The following AKAP13 variants were observed in gnomAD, a reference collection of about 807,000 sequenced individuals.
AKAP13 encodes the protein A-kinase anchor protein 13.
In AKAP13, 80 loss-of-function variants were observed where a neutral mutation model predicts 264.5. The ratio of observed to expected loss-of-function variants is 0.30; its 90% CI spans 0.25 to 0.36. The LOEUF (loss-of-function observed/expected upper bound fraction) is 0.36. AKAP13 is among the 10% of genes least tolerant of loss of function. The pLI, the probability that AKAP13 is intolerant of heterozygous loss-of-function variation, is 1.00. For missense variants in AKAP13, 3,712 were observed against 3,435.2 expected (o/e 1.08, Z -2.01); for synonymous variants, 1,380 against 1,250.2 (o/e 1.10, Z -2.19).
chr15:85,484,853 T>C (rs2075481445), intron 1 of AKAP13, among the ~76,000 whole-genome samples: 1 of 152,250 alleles, frequency 6.6e-6, no homozygotes, highest in African/African-American at 2.4e-5. Flanking sequence ...TGACACTTTA[T>C]ACTGTTATTT....
intron 17 of AKAP13, among the ~76,000 whole-genome samples, chr15:85,704,417 A>G (rs1567204673): frequency 6.6e-6 from 1 of 152,220 alleles, no homozygotes; most frequent in Non-Finnish European, 1.5e-5. Context: ...CACATAGTAT[A>G]TAACCATTCG....
Position 85,639,455 on chromosome 15 carries a change from C to G in AKAP13, c.4237+6C>G. 1 of 1,607,398 alleles carries G rather than the reference C, an allele frequency of 6.2e-7. No individual in the cohort carries two copies. The highest frequency in any genetic ancestry group is 1.3e-5 in the African/African-American group (1 of 74,888). ...GGCTTCCAAGCAGAGCCCAGGTAAG[C>G]TGAGATTATCCATTCATTTTCTGGA... On this transcript the variant is annotated splice_donor_region_variant and intron_variant, in intron 9 of 36. Coordinates refer to ENST00000394518, the MANE Select transcript of AKAP13 (RefSeq NM_007200.5).
At chr15:85,642,543 TC>T (rs2082356292) in intron 9 of AKAP13, among the ~76,000 whole-genome samples, 1 of 152,122 alleles carries the variant, frequency 6.6e-6, no homozygotes, top group South Asian at 2.1e-4. Flanking sequence ...TCCCCCCACC[TC>T]CCCCCGCCCC....
rs756176415 is a variant in AKAP13, at chr15:85,440,122, A to G, written c.-11-45588A>G. Among the ~76,000 whole-genome samples the G allele has an allele frequency of 8.5e-4, 129 of 152,126 alleles. 9 individuals are homozygous for G. Among genetic ancestry groups the G allele is most frequent in the Non-Finnish European group, 5.9e-5 (4 of 68,024 alleles). On this transcript the variant is annotated intron_variant, in intron 1 of 36. Transcript: ENST00000394518. ...GTGCCCACCCTTTATGTATTTAGCA[A>G]TTACTTTAGCTGAACCAGTTTGTTC...
intron 35 of AKAP13, 76 bp downstream of exon 35, chr15:85,741,571 AAGTG>A: frequency 2.0e-6 from 3 of 1,472,442 alleles, no homozygotes; most frequent in Non-Finnish European, 2.7e-6. Flanking sequence ...CAAGGTAAGA[AAGTG>A]AGCAGAAATA....
In AKAP13 at chr15:85,394,741, T is replaced by C. The variant is rs2071032687; in HGVS notation, c.-12+13943T>C. Among the ~76,000 whole-genome samples the C allele has an allele frequency of 2.0e-5, 3 of 152,202 alleles. No individual in the cohort carries two copies. In the South Asian group the frequency reaches 6.2e-4, roughly 31 times the overall value. ...AATTGACTGTGTGACCTTGAGCAGG[T>C]AGGTTACTGCTCTTTTGCCTTTGAG... On this transcript the variant is annotated intron_variant, in intron 1 of 36. Coordinates refer to ENST00000394518, the MANE Select transcript of AKAP13 (RefSeq NM_007200.5).
chr15:85,685,333 G>A (rs2084838786), intron 16 of AKAP13: 1 of 152,380 alleles, frequency 6.6e-6, no homozygotes, highest in South Asian at 2.1e-4. Flanking sequence ...TGGCTTTAGA[G>A]GGAAGGATTA....
chr15:85,560,529 A>G lies in AKAP13; in HGVS notation c.663-14602A>G, dbSNP rs568874676. ...TAAGACAGGTTTATTTTATTATCAG[A>G]TATTACCTCCCATATTGTATGGAAT... On this transcript the variant is annotated intron_variant, in intron 5 of 36. Transcript: ENST00000394518. 3.4e-3 allele frequency among the ~76,000 whole-genome samples: 519 copies of G among 152,266 alleles called. 1 individual carries two copies. The highest frequency in any genetic ancestry group is 0.01 in the Middle Eastern group (3 of 294).
chr15:85,410,026 C>T (rs1258346353), intron 1 of AKAP13, among the ~76,000 whole-genome samples: 2 of 151,590 alleles, frequency 1.3e-5, no homozygotes, highest in Non-Finnish European at 2.9e-5. Flanking sequence ...AAATTAGTTT[C>T]CTCCATTTTC....
intron 8 of AKAP13, among the ~76,000 whole-genome samples, chr15:85,586,180 CTTCTTT>C (rs1157505541): frequency 4.7e-4 from 71 of 151,558 alleles, no homozygotes; most frequent in African/African-American, 1.5e-3. Context: ...TTTTTCTTTC[CTTCTTT>C]TTCTTTTTCT....
chr15:85,438,284 A>T (rs1011135341), intron 1 of AKAP13, among the ~76,000 whole-genome samples: 1 of 138,448 alleles, frequency 7.2e-6, no homozygotes, highest in East Asian at 2.0e-4. Flanking sequence ...CTCTTCAAGG[A>T]GAACTACAAA....
chr15:85,734,142 CA>C (rs66493267), intron 30 of AKAP13, among the ~76,000 whole-genome samples: 29,392 of 152,028 alleles, frequency 0.19, 3,769 homozygotes, highest in Middle Eastern at 0.43. Context: ...TGTCTTTTGT[CA>C]TTTTCTTAAT....
chr15:85,647,197 G>A (rs1313444360), intron 10 of AKAP13, among the ~76,000 whole-genome samples: 3 of 152,032 alleles, frequency 2.0e-5, no homozygotes, highest in African/African-American at 4.8e-5. Flanking sequence ...TCAGGAGTTC[G>A]AGACCAGCCT....
intron 5 of AKAP13, among the ~76,000 whole-genome samples, chr15:85,558,085 C>A (rs368505063): frequency 6.6e-6 from 1 of 152,098 alleles, no homozygotes; most frequent in Non-Finnish European, 1.5e-5. Flanking sequence ...TCCAGTAGTT[C>A]ATTTTTAGAA....
chr15:85,386,104 C>T (rs950890951), intron 1 of AKAP13, among the ~76,000 whole-genome samples: 6 of 152,128 alleles, frequency 3.9e-5, no homozygotes, highest in Non-Finnish European at 8.8e-5. Flanking sequence ...GGATTACAGG[C>T]GCGAGCCACT....
intron 10 of AKAP13, among the ~76,000 whole-genome samples, chr15:85,652,923 A>T (rs1056487610): frequency 6.6e-6 from 1 of 152,168 alleles, no homozygotes; most frequent in African/African-American, 2.4e-5. Context: ...CTACTCCAGT[A>T]TAACCTCATC....
chr15:85,430,127 G>A (rs184628775), intron 1 of AKAP13, among the ~76,000 whole-genome samples: 95 of 152,230 alleles, frequency 6.2e-4, no homozygotes, highest in Non-Finnish European at 9.3e-4. Flanking sequence ...AGAATGCCTC[G>A]TCATATTCTG....
rs1161365911 is a variant in AKAP13, at chr15:85,644,693, CAAAAAAAAAAAA to C, written c.4238-1113_4238-1102del. Among the ~76,000 whole-genome samples, 9 of 103,888 alleles carry C rather than the reference CAAAAAAAAAAAA, an allele frequency of 8.7e-5. 1 individual carries two copies. The East Asian group carries it at 2.3e-3, about 26-fold the overall frequency. The allele number at this position is 103,888 out of a possible 152,430, so 68.2% of individuals were successfully genotyped here. A position where few individuals can be genotyped will look rare whatever the true frequency, so the allele number is the denominator to read the frequency against. Reference sequence around the variant, plus strand: ...TGAAACCTCATCTCTACTAAAAATACAAAAAAAAAAAAAAAAAAAAAAATTAGCCAGGCATGG... The same window carrying C: ...TGAAACCTCATCTCTACTAAAAATACAAAAAAAAAAATTAGCCAGGCATGG... On this transcript the variant is annotated intron_variant, in intron 9 of 36. Transcript: ENST00000394518.
intron 4 of AKAP13, chr15:85,536,353 ACATAT>A (rs2077397334): frequency 6.6e-6 from 1 of 152,250 alleles, no homozygotes; most frequent in Non-Finnish European, 1.5e-5. Flanking sequence ...AAGATGAAGA[ACATAT>A]CATATGTTGC....
Sources: gnomAD v4.1 joint callset for allele counts (sites outside exome capture counted in the v4.1 genomes callset) on GRCh38, gnomAD v4.1.1 for gene constraint, MANE v1.5 for transcripts, NCBI Gene and HGNC (gene_info 2026-07-23, HGNC 2026-07-21) for gene names.